Variants in POLR1B observed in about 807,000 individuals in gnomAD.
POLR1B encodes RNA polymerase I subunit B.
Under a neutral mutation model 105.8 loss-of-function variants are expected in POLR1B, and 30 were observed. The ratio of observed to expected loss-of-function variants is 0.28; its 90% CI spans 0.21 to 0.38. The LOEUF (loss-of-function observed/expected upper bound fraction) is 0.38, where lower values mean the gene tolerates loss of function less well. Ranked by LOEUF, POLR1B falls within the 10% of genes least tolerant of loss-of-function variation. The pLI, the probability that POLR1B is intolerant of heterozygous loss-of-function variation, is 1.00. For missense variants in POLR1B, 976 were observed against 1,435.8 expected, an observed-to-expected ratio of 0.68 and a Z score of 5.17; for synonymous variants, 485 against 505.1, an observed-to-expected ratio of 0.96 and a Z score of 0.53.
At position 112,575,165 on chromosome 2, in the gene POLR1B, A is replaced by T. The variant is rs759834382; in HGVS notation, c.2844A>T (p.Thr948=). 2.5e-6 allele frequency: 4 copies of T among 1,613,978 alleles called. No homozygotes were observed. The African/African-American group carries it at 5.3e-5, about 22-fold the overall frequency. Residue 948 remains threonine (T), a synonymous_variant, in exon 15 of 15, where the codon ACA becomes ACT. Transcript: ENST00000263331. The surrounding 1 kb of genome is among the most constrained non-coding windows in gnomAD (Gnocchi z 5.3). ...AALHGLCHDA[T]PFIFSEENSA... ...TGCATGGTCTCTGCCATGATGCTAC[A>T]CCCTTCATCTTCTCAGAGGAGAACT...
At chr2:112,543,838 C>T (rs1682892436) in intron 1 of POLR1B, among the ~76,000 whole-genome samples, 2 of 152,030 alleles carry the variant, frequency 1.3e-5, no homozygotes, top group Admixed American at 6.5e-5. Context: ...TAATCCAGGA[C>T]TTTGGGAGGC....
upstream of POLR1B, chr2:112,542,364 G>T (rs1284490758): frequency 6.3e-6 from 10 of 1,586,844 alleles, no homozygotes; most frequent in Non-Finnish European, 7.7e-6. Context: ...CCTAGGGCGG[G>T]TGGAACGAGA....
At position 112,572,598 on chromosome 2, in the gene POLR1B, A is replaced by G. The variant is rs1273465567; in HGVS notation, c.2111A>G (p.Gln704Arg). The stretch of plus-strand genomic sequence containing the variant: ...ATGGGCTTTCCACTTCTCACTTATC[A>G]AGACCGATCGGATAACAAACTGTAT... ...QTMGFPLLTY[Q>R]DRSDNKLYRL... is the part of the protein sequence containing the mutation. Residue 704 changes from glutamine (Q) to arginine (R), a missense_variant, in exon 13 of 15, where the codon CAA (glutamine) becomes CGA (arginine). Physicochemically the swap from Gln to Arg is conservative, Grantham distance 43. Transcript: ENST00000263331. 1.2e-6 allele frequency: 2 copies of G among 1,607,576 alleles called. No individual in the cohort carries two copies. The highest frequency in any genetic ancestry group is 1.1e-5 in the South Asian group (1 of 89,682).
Position 112,558,073 on chromosome 2 carries a change from C to A in POLR1B, c.1322C>A (p.Ser441Tyr). The change falls in exon 8 of 15, where the codon TCT becomes TAT. Residue 441 changes from serine (S) to tyrosine (Y), a missense_variant. Around this residue, in one of 12 missense-constraint regions of POLR1B, gnomAD observed 452 missense variants for 616.5 expected, o/e 0.73. Coordinates refer to ENST00000263331, the MANE Select transcript of POLR1B (RefSeq NM_019014.6). The part of the protein sequence containing the change: ...EYLFATGNLR[S>Y]KTGLGLLQDS... ...CTTTTTGCTACTGGGAATCTGCGTTCTAAAACAGGTAAAATTAAATCGATC... is the reference window on the plus strand; with the variant it reads ...CTTTTTGCTACTGGGAATCTGCGTTATAAAACAGGTAAAATTAAATCGATC... The A allele has an allele frequency of 7.5e-7, 1 of 1,335,172 alleles. No homozygotes were observed. Among genetic ancestry groups the A allele is most frequent in the South Asian group, 2.6e-5 (1 of 37,912 alleles). 82.7% of individuals were successfully genotyped at this position (1,335,172 alleles called of 1,614,324 possible). A position where few individuals can be genotyped will look rare whatever the true frequency, so the allele number is the denominator to read the frequency against.
At chr2:112,554,579 G>GT (rs1280474327) in intron 7 of POLR1B, 60 of 132,424 alleles carry the variant, frequency 4.5e-4, no homozygotes, top group African/African-American at 1.7e-3. Context: ...AGCAGGCAGC[G>GT]TAAGTTTTCT....
chr2:112,559,603 GT>G, intron 9 of POLR1B, 29 bp downstream of exon 9: 1 of 1,593,096 alleles, frequency 6.3e-7, no homozygotes, highest in Non-Finnish European at 8.6e-7. Context: ...TAAACATCTT[GT>G]TTGGTTATGT....
chr2:112,567,904 GACT>G, intron 10 of POLR1B, 60 bp from the exon 11 acceptor site: 1 of 1,408,776 alleles, frequency 7.1e-7, no homozygotes. Context: ...TGGGGCATAA[GACT>G]GGCAGCGACA....
chr2:112,566,221 C>T (rs1031596012), intron 10 of POLR1B, among the ~76,000 whole-genome samples: 5 of 152,310 alleles, frequency 3.3e-5, no homozygotes, highest in East Asian at 3.9e-4. Flanking sequence ...TGTCCTGTTA[C>T]GACTCATGTT....
Position 112,578,519 on chromosome 2 carries a change from G to A in POLR1B, c.*2790G>A, listed in dbSNP as rs79555371. Among the ~76,000 whole-genome samples, 1,585 of 152,158 alleles carry A rather than the reference G, an allele frequency of 0.01. 17 individuals carry two copies. Among genetic ancestry groups the A allele is most frequent in the Non-Finnish European group, 0.017 (1,128 of 68,018 alleles). On this transcript the variant is annotated 3_prime_UTR_variant, in exon 15 of 15. Coordinates refer to ENST00000263331, the MANE Select transcript of POLR1B (RefSeq NM_019014.6). ...GTTAATTCCTTTTTATTGCTACACA[G>A]TACTCCATAGTATGAATATACTATG...
At chr2:112,563,271 G>T (rs1477713640) in intron 9 of POLR1B, among the ~76,000 whole-genome samples, 1 of 149,296 alleles carries the variant, frequency 6.7e-6, no homozygotes, top group African/African-American at 2.5e-5. Flanking sequence ...TAGCCAGGAT[G>T]GTCTCGATCT....
chr2:112,571,166 A>G (rs376430470), intron 12 of POLR1B, among the ~76,000 whole-genome samples: 25 of 152,208 alleles, frequency 1.6e-4, no homozygotes, highest in South Asian at 1.2e-3. Context: ...TATATTTTGA[A>G]CATAGTTTTA....
intron 11 of POLR1B, among the ~76,000 whole-genome samples, 197 bp downstream of exon 11, chr2:112,568,334 C>T (rs746793424): frequency 7.9e-5 from 12 of 152,196 alleles, no homozygotes; most frequent in Non-Finnish European, 1.8e-4. Flanking sequence ...TCCACAGAAC[C>T]TGAGAGAGGG....
Position 112,564,399 on chromosome 2 carries a change from C to G in POLR1B, c.1646C>G (p.Ser549Ter). ...VTPIDGAPHR[S>*]YSECYPVLLD... is the part of the protein sequence containing the mutation. ...CCCATTGATGGAGCTCCCCACCGAT[C>G]ATACAGTGAGTGCTACCCTGTCCTG... is the stretch of plus-strand genomic sequence containing the variant. The change falls in exon 10 of 15, where the codon TCA (serine) becomes TGA (stop). Residue 549 changes from serine (S) to a stop codon, truncating the protein, a stop_gained. Transcript: ENST00000263331. LOFTEE classifies it high-confidence loss of function. 1 of 1,614,250 alleles carries G rather than the reference C, an allele frequency of 6.2e-7. No homozygotes were observed. The highest frequency in any genetic ancestry group is 8.5e-7 in the Non-Finnish European group (1 of 1,180,038).
At chr2:112,557,834 A>G in intron 7 of POLR1B, 76 bp from the exon 8 acceptor site, 1 of 855,074 alleles carries the variant, frequency 1.2e-6, no homozygotes, top group Non-Finnish European at 1.6e-6. Context: ...GATCCACCCA[A>G]TCCTGGGATT....
chr2:112,560,900 T>A (rs1355598247), intron 9 of POLR1B, among the ~76,000 whole-genome samples: 2 of 152,010 alleles, frequency 1.3e-5, no homozygotes, highest in African/African-American at 2.4e-5. Context: ...CTACTAAATA[T>A]ACACACACAA....
rs201695032 is a variant in POLR1B at position 112,551,782 on chromosome 2, T to C, written c.770T>C (p.Val257Ala). 8.1e-6 allele frequency: 13 copies of C among 1,612,810 alleles called. No homozygotes were observed. The highest frequency in any genetic ancestry group is 1.1e-5 in the Non-Finnish European group (13 of 1,179,212). ...LPLGFALKALVSFSDYQIFQE... is the reference protein window; with the variant it reads ...LPLGFALKALASFSDYQIFQE... ...TTTTATTTTCTATTCTAGGCACTTG[T>C]CAGCTTTTCTGATTATCAGATCTTT... The change falls in exon 6 of 15, where the codon GTC becomes GCC. Residue 257 changes from valine to alanine, a missense_variant. By Grantham distance (64) the Val-to-Ala change is moderately conservative (BLOSUM62 0). This residue lies in a region of POLR1B where 452 missense variants were observed against 616.5 expected (regional missense o/e 0.73). Transcript: ENST00000263331.
In POLR1B at chr2:112,558,076, A is replaced by T; in HGVS notation, c.1325A>T (p.Lys442Ile). Residue 442 changes from lysine (K) to isoleucine (I), a missense_variant, in exon 8 of 15, where the codon AAA becomes ATA. Around this residue, in one of 12 missense-constraint regions of POLR1B, gnomAD observed 452 missense variants for 616.5 expected, o/e 0.73. Coordinates refer to ENST00000263331, the MANE Select transcript of POLR1B (RefSeq NM_019014.6). The stretch of plus-strand genomic sequence containing the variant: ...TTTGCTACTGGGAATCTGCGTTCTA[A>T]AACAGGTAAAATTAAATCGATCGTT... Reference protein sequence around the residue: ...YLFATGNLRSKTGLGLLQDSG... With the variant: ...YLFATGNLRSITGLGLLQDSG... 1 of 1,331,070 alleles carries T rather than the reference A, an allele frequency of 7.5e-7. No homozygotes were observed. The highest frequency in any genetic ancestry group is 9.7e-7 in the Non-Finnish European group (1 of 1,029,792). The allele number at this position is 1,331,070 out of a possible 1,614,324, so 82.5% of individuals were successfully genotyped here. A position where few individuals can be genotyped will look rare whatever the true frequency, so the allele number is the denominator to read the frequency against.
intron 9 of POLR1B, among the ~76,000 whole-genome samples, chr2:112,561,840 G>A (rs962132349): frequency 6.6e-6 from 1 of 152,046 alleles, no homozygotes; most frequent in Non-Finnish European, 1.5e-5. Flanking sequence ...TTGTTTGTTT[G>A]TTTGTTTGTT....
At chr2:112,542,891 A>C in intron 1 of POLR1B, 1 of 627,766 alleles carries the variant, frequency 1.6e-6, no homozygotes, top group South Asian at 2.0e-5. Context: ...CTGGAGTGAA[A>C]AGTGATTGTG....
Sources: allele counts gnomAD v4.1 joint callset (sites outside exome capture counted in the v4.1 genomes callset), GRCh38; gene constraint gnomAD v4.1.1; regional missense constraint gnomAD v4.1.1; non-coding constraint Gnocchi (gnomAD v3.1); transcripts MANE v1.5; gene names NCBI Gene and HGNC (gene_info 2026-07-23, HGNC 2026-07-21).